The following CARF variants were observed in gnomAD, a reference collection of about 807,000 sequenced individuals.
CARF encodes the protein calcium-responsive transcription factor.
In CARF, 57 loss-of-function variants were observed where a neutral mutation model predicts 82.0. The observed-to-expected ratio is 0.70, with a 90% CI of 0.56 to 0.87. The LOEUF is 0.87. CARF is among the 40% of genes least tolerant of loss of function. CARF has a pLI of 0.00. For synonymous variants in CARF, 268 were observed against 290.1 expected, an observed-to-expected ratio of 0.92 and a Z score of 0.77; for missense variants, 771 against 855.8, an observed-to-expected ratio of 0.90 and a Z score of 1.24.
At chr2:202,982,513 A>G in intron 16 of CARF, 72 bp downstream of exon 16, 2 of 1,517,878 alleles carry the variant, frequency 1.3e-6, no homozygotes, top group Admixed American at 2.1e-5. Flanking sequence ...TATACTATAG[A>G]TAAAACTATT....
intron 9 of CARF, among the ~76,000 whole-genome samples, chr2:202,964,490 C>T (rs1053566362): frequency 9.9e-5 from 15 of 151,914 alleles, no homozygotes; most frequent in African/African-American, 2.7e-4. Context: ...CATGTTGCCT[C>T]GGCTGGTCTC....
At chr2:202,921,120 G>A (rs777044644) in intron 2 of CARF, among the ~76,000 whole-genome samples, 1 of 152,152 alleles carries the variant, frequency 6.6e-6, no homozygotes, top group Non-Finnish European at 1.5e-5. Context: ...TCCCGCCTCA[G>A]CCTCCCAGGT....
chr2:202,975,770 C>T (rs994854719), intron 13 of CARF, among the ~76,000 whole-genome samples: 5 of 152,048 alleles, frequency 3.3e-5, no homozygotes, highest in Non-Finnish European at 4.4e-5. Context: ...TTGGGCTGGG[C>T]GCGTTGGCTC....
intron 3 of CARF, among the ~76,000 whole-genome samples, chr2:202,927,656 T>C (rs531901495): frequency 6.6e-6 from 1 of 152,282 alleles, no homozygotes; most frequent in African/African-American, 2.4e-5. Context: ...AGCATATTCA[T>C]CATCTCAAAC....
chr2:202,980,627 T>TATATATATATAC (rs2060215901), intron 14 of CARF, among the ~76,000 whole-genome samples: 1 of 48,698 alleles, frequency 2.1e-5, no homozygotes, highest in Non-Finnish European at 5.1e-5. Flanking sequence ...TATATATATA[T>TATATATATATAC]ATATATATAT....
At chr2:202,972,807 A>C (rs1250680785) in intron 12 of CARF, among the ~76,000 whole-genome samples, 2 of 152,168 alleles carry the variant, frequency 1.3e-5, no homozygotes, top group African/African-American at 4.8e-5. Flanking sequence ...TGATCTGAAT[A>C]ACAAAATAAA....
At chr2:202,968,725 A>G (rs2059655077) in intron 10 of CARF, among the ~76,000 whole-genome samples, 1 of 152,182 alleles carries the variant, frequency 6.6e-6, no homozygotes, top group South Asian at 2.1e-4. Flanking sequence ...TGGGTGCCAT[A>G]GGAAGGAGGG....
intron 2 of CARF, among the ~76,000 whole-genome samples, chr2:202,921,149 G>A (rs762291303): frequency 2.6e-4 from 40 of 152,038 alleles, no homozygotes; most frequent in Non-Finnish European, 4.7e-4. Flanking sequence ...CTACAAGTGC[G>A]TGCCACCGTG....
intron 10 of CARF, among the ~76,000 whole-genome samples, chr2:202,969,118 C>T (rs570717456): frequency 1.6e-3 from 240 of 151,814 alleles, no homozygotes; most frequent in African/African-American, 5.7e-3. Context: ...GGTGAAACCC[C>T]GTCTCTACTA....
At chr2:202,973,545 A>G in intron 12 of CARF, 1 of 387,870 alleles carries the variant, frequency 2.6e-6, no homozygotes, top group Non-Finnish European at 5.0e-6. Flanking sequence ...ATGTTTACGC[A>G]CATAACCTGG....
In CARF at chr2:202,974,321, G is replaced by T; in HGVS notation, c.1332-13G>T. The T allele has an allele frequency of 1.3e-6, 2 of 1,564,162 alleles. No homozygotes were observed. The highest frequency in any genetic ancestry group is 1.7e-6 in the Non-Finnish European group (2 of 1,163,194). ...ATGGTTTATGTCTTTATTCCATTTT[G>T]TATTCTTTACAGAAAATTTGTGGAA... On this transcript the variant is annotated splice_polypyrimidine_tract_variant and intron_variant, in intron 12 of 16. Coordinates refer to ENST00000438828, the MANE Select transcript of CARF (RefSeq NM_024744.17).
chr2:202,986,901 T>TATACATATATATATATATATAC lies in CARF; in HGVS notation c.*3280_*3281insCATATATATATATATATACATA, dbSNP rs1553584748. ...ATATATATATATATATATATATATA[T>TATACATATATATATATATATAC]ATATATAGCAACTTGATGTATAGTG... On this transcript the variant is annotated 3_prime_UTR_variant, in exon 17 of 17. Transcript: ENST00000438828. 7.3e-6 allele frequency: 1 copy of TATACATATATATATATATATAC among 137,310 alleles called. No individual in the cohort carries two copies. The highest frequency in any genetic ancestry group is 1.6e-5 in the Non-Finnish European group (1 of 63,278). The allele number at this position is 137,310 out of a possible 1,614,324, so 8.5% of individuals were successfully genotyped here.
At chr2:202,981,480 G>A (rs998859956) in intron 14 of CARF, 75 bp from the exon 15 acceptor site, 3 of 1,060,190 alleles carry the variant, frequency 2.8e-6, no homozygotes, top group African/African-American at 1.6e-5. Context: ...TGACAGAAAG[G>A]GTTGTAATAA....
At chr2:202,973,602 G>A in intron 12 of CARF, 1 of 318,690 alleles carries the variant, frequency 3.1e-6, no homozygotes, top group Non-Finnish European at 6.1e-6. Flanking sequence ...TATGATTTTG[G>A]GCAAATTATT....
At chr2:202,919,049 C>T (rs1252835226) in intron 2 of CARF, among the ~76,000 whole-genome samples, 3 of 152,116 alleles carry the variant, frequency 2.0e-5, no homozygotes, top group Non-Finnish European at 2.9e-5. Flanking sequence ...GTGTACTTAC[C>T]TAAGCCAGTC....
At chr2:202,952,525 A>G (rs2058803270) in intron 5 of CARF, 34 bp from the exon 6 acceptor site, 3 of 1,600,458 alleles carry the variant, frequency 1.9e-6, no homozygotes, top group Non-Finnish European at 2.6e-6. Context: ...GTCTAGGCAT[A>G]TGCATTTGAT....
chr2:202,952,668 A>G lies in CARF; in HGVS notation c.416A>G (p.Asn139Ser). ...IIPQGQLVDV[N>S]SPRDVPEEKP... Reference sequence around the variant, plus strand: ...CCTCAGGGGCAACTTGTGGATGTGAATAGTCCTCGGGGTGAGTAACAACGG... The same window carrying G: ...CCTCAGGGGCAACTTGTGGATGTGAGTAGTCCTCGGGGTGAGTAACAACGG... The change falls in exon 6 of 17, where the codon AAT becomes AGT. Residue 139 changes from asparagine to serine, a missense_variant. Transcript: ENST00000438828. 6.2e-7 allele frequency: 1 copy of G among 1,613,748 alleles called. No individual in the cohort carries two copies. The highest frequency in any genetic ancestry group is 1.1e-5 in the South Asian group (1 of 91,028).
intron 12 of CARF, among the ~76,000 whole-genome samples, chr2:202,973,747 A>C (rs1269658256): frequency 6.6e-6 from 1 of 152,252 alleles, no homozygotes; most frequent in Non-Finnish European, 1.5e-5. Context: ...CATTAAAAAC[A>C]TTATTATACT....
At chr2:202,947,949 A>G (rs573267229) in intron 5 of CARF, among the ~76,000 whole-genome samples, 54 of 152,038 alleles carry the variant, frequency 3.6e-4, no homozygotes, top group Non-Finnish European at 6.3e-4. Context: ...CCAGGATGGT[A>G]TTGCCTAGGC....
Sources: allele counts gnomAD v4.1 joint callset (sites outside exome capture counted in the v4.1 genomes callset), GRCh38; gene constraint gnomAD v4.1.1; transcripts MANE v1.5; gene names NCBI Gene and HGNC (gene_info 2026-07-23, HGNC 2026-07-21).